MYO16: variants seen among roughly 807,000 people sequenced by gnomAD.
MYO16 encodes unconventional myosin-XVI.
MYO16 carries 94 observed loss-of-function variants against 205.3 expected under a neutral mutation model. The ratio of observed to expected loss-of-function variants is 0.46; its 90% CI spans 0.39 to 0.54. MYO16 has a LOEUF of 0.54. MYO16 is among the 20% of genes least tolerant of loss of function. The pLI is 0.00. For synonymous variants in MYO16, 988 were observed against 954.0 expected (o/e 1.04, Z -0.66); for missense variants, 2,315 against 2,387.5 (o/e 0.97, Z 0.63).
chr13:108,811,317 T>A (rs893248289), intron 7 of MYO16, among the ~76,000 whole-genome samples: 1 of 152,162 alleles, frequency 6.6e-6, no homozygotes, highest in Non-Finnish European at 1.5e-5. Context: ...AACAGTCTGG[T>A]TATGCCCCTA....
chr13:108,855,583 T>A, intron 11 of MYO16, 30 bp downstream of exon 11: 3 of 1,423,588 alleles, frequency 2.1e-6, no homozygotes, highest in Non-Finnish European at 2.9e-6. Flanking sequence ...CCTTTTGCAC[T>A]GTTTTTCTCT....
chr13:108,719,095 T>G (rs1214718168), intron 3 of MYO16, among the ~76,000 whole-genome samples: 1 of 152,082 alleles, frequency 6.6e-6, no homozygotes, highest in Non-Finnish European at 1.5e-5. Context: ...TTCGTTTTGT[T>G]TTTATATCTT....
At chr13:109,098,893 C>T (rs1364860948) in intron 27 of MYO16, among the ~76,000 whole-genome samples, 4 of 152,138 alleles carry the variant, frequency 2.6e-5, no homozygotes, top group African/African-American at 7.2e-5. Context: ...TACTTTGAAA[C>T]TACATTTTTT....
chr13:108,634,317 C>G (rs548818071), intron 1 of MYO16, among the ~76,000 whole-genome samples: 1 of 152,140 alleles, frequency 6.6e-6, no homozygotes, highest in Non-Finnish European at 1.5e-5. Flanking sequence ...CACCTGCAGT[C>G]CTGAATTTCC....
At chr13:108,590,924 G>A in the MYO16 span, among the ~76,000 whole-genome samples, 1 of 152,188 alleles carries the variant, frequency 6.6e-6, no homozygotes, top group African/African-American at 2.4e-5. Context: ...AAGCCACCAT[G>A]TTTGTGCTAC....
intron 2 of MYO16, among the ~76,000 whole-genome samples, chr13:108,667,315 GTTTTGT>G (rs1555336984): frequency 4.2e-5 from 5 of 118,296 alleles, no homozygotes; most frequent in African/African-American, 9.7e-5. Flanking sequence ...GAGAATTTCT[GTTTTGT>G]TTTTTTTTTT....
At chr13:108,760,863 C>A (rs1885583028) in intron 4 of MYO16, among the ~76,000 whole-genome samples, 1 of 152,138 alleles carries the variant, frequency 6.6e-6, no homozygotes, top group Admixed American at 6.5e-5. Context: ...CTCTCTACCT[C>A]CATAAGATCA....
At chr13:108,914,980 G>A (rs913424162) in intron 16 of MYO16, among the ~76,000 whole-genome samples, 2 of 152,180 alleles carry the variant, frequency 1.3e-5, no homozygotes, top group East Asian at 1.9e-4. Context: ...CAAAAGTGCT[G>A]TTTAGCTTTG....
the MYO16 span, among the ~76,000 whole-genome samples, chr13:108,535,166 A>T: frequency 3.4e-5 from 5 of 148,432 alleles, no homozygotes; most frequent in South Asian, 2.1e-4. Context: ...CTTTTTAAAA[A>T]TTTTTTTAGC....
At chr13:108,891,571 C>A (rs1197082200) in intron 14 of MYO16, among the ~76,000 whole-genome samples, 1 of 152,162 alleles carries the variant, frequency 6.6e-6, no homozygotes, top group Non-Finnish European at 1.5e-5. Context: ...TGCATGTACA[C>A]ATCATAGGCC....
intron 4 of MYO16, among the ~76,000 whole-genome samples, chr13:108,740,936 G>GTTGGGGATATAATCTC (rs1031618338): frequency 5.3e-5 from 8 of 152,202 alleles, no homozygotes; most frequent in Admixed American, 3.9e-4. Context: ...TCTGAGCCAT[G>GTTGGGGATATAATCTC]TTGGGGATAT....
intron 16 of MYO16, among the ~76,000 whole-genome samples, chr13:108,940,746 G>T (rs1159340562): frequency 6.6e-6 from 1 of 152,158 alleles, no homozygotes. Flanking sequence ...CAGCTGCACT[G>T]CCACAATCAA....
chr13:108,900,036 C>CA (rs1401636286), intron 15 of MYO16, among the ~76,000 whole-genome samples: 2 of 152,196 alleles, frequency 1.3e-5, no homozygotes, highest in Non-Finnish European at 2.9e-5. Context: ...TCTGGGGTGT[C>CA]ACCAGCATGA....
intron 27 of MYO16, among the ~76,000 whole-genome samples, chr13:109,099,646 C>A (rs1055960728): frequency 1.3e-5 from 2 of 152,098 alleles, no homozygotes; most frequent in Admixed American, 1.3e-4. Flanking sequence ...TGTTTCCCAG[C>A]CTATGTTACA....
intron 27 of MYO16, among the ~76,000 whole-genome samples, chr13:109,083,429 G>C (rs763979969): frequency 7.7e-6 from 1 of 130,698 alleles, no homozygotes; most frequent in African/African-American, 2.8e-5. Flanking sequence ...AGCTTCTGCA[G>C]TAGAGACGAT....
intron 31 of MYO16, among the ~76,000 whole-genome samples, chr13:109,134,728 C>A (rs1876691641): frequency 6.6e-6 from 1 of 152,156 alleles, no homozygotes; most frequent in Admixed American, 6.5e-5. Flanking sequence ...TTTCAGGGAG[C>A]CAGTTTTGGG....
At chr13:108,895,033 T>C (rs568364369) in intron 14 of MYO16, among the ~76,000 whole-genome samples, 1 of 152,350 alleles carries the variant, frequency 6.6e-6, no homozygotes, top group African/African-American at 2.4e-5. Context: ...GCATTCACTA[T>C]GCAATAGCTT....
chr13:108,993,006 C>A (rs1441490824), intron 21 of MYO16, among the ~76,000 whole-genome samples: 3 of 151,876 alleles, frequency 2.0e-5, no homozygotes, highest in Admixed American at 2.0e-4. Context: ...ATTAAGTATA[C>A]CTAAAAACTA....
At chr13:108,851,603 A>G (rs1186052733) in intron 10 of MYO16, among the ~76,000 whole-genome samples, 1 of 152,210 alleles carries the variant, frequency 6.6e-6, no homozygotes, top group Non-Finnish European at 1.5e-5. Flanking sequence ...AATCTTGTCT[A>G]AATCAATTCT....
Sources: gnomAD v4.1 joint callset for allele counts (sites outside exome capture counted in the v4.1 genomes callset) on GRCh38, gnomAD v4.1.1 for gene constraint, MANE v1.5 for transcripts, NCBI Gene and HGNC (gene_info 2026-07-23, HGNC 2026-07-21) for gene names.